Variants in NRG2 observed in about 807,000 individuals in gnomAD.
NRG2 encodes the protein pro-neuregulin-2, membrane-bound isoform.
In NRG2, 27 loss-of-function variants were observed where a neutral mutation model predicts 73.9. The observed-to-expected ratio is 0.37, with a 90% CI of 0.27 to 0.50. NRG2 has a LOEUF of 0.50. NRG2 is among the 20% of genes least tolerant of loss of function. The probability of loss-of-function intolerance (pLI) is 0.96; values close to 1 mark genes in which losing one functional copy is unlikely to be tolerated. For synonymous variants in NRG2, 532 were observed against 541.0 expected, an observed-to-expected ratio of 0.98 and a Z score of 0.23; for missense variants, 1,126 against 1,210.1, an observed-to-expected ratio of 0.93 and a Z score of 1.03.
intron 1 of NRG2, among the ~76,000 whole-genome samples, chr5:139,984,834 A>T (rs529810190): frequency 1.3e-5 from 2 of 152,324 alleles, no homozygotes; most frequent in South Asian, 4.2e-4. Flanking sequence ...CCTCAGTCCC[A>T]TTCTAACACC....
In NRG2 at chr5:139,856,097, G is replaced by A; in HGVS notation, c.1190-319C>T. On this transcript the variant is annotated intron_variant, in intron 5 of 9. Coordinates refer to ENST00000361474, the MANE Select transcript of NRG2 (RefSeq NM_004883.3). This position sits in a 1 kb window ranked among gnomAD's most constrained non-coding sequence, Gnocchi z 4.2. ...TGGGAAGGGATGGAGTGGAGGCAAA[G>A]CTCCCGAGGCTGTAGAGCAGGGGAG... 1 of 362,724 alleles carries A rather than the reference G, an allele frequency of 2.8e-6. No individual in the cohort carries two copies. Among genetic ancestry groups the A allele is most frequent in the Non-Finnish European group, 5.2e-6 (1 of 191,958 alleles). 22.5% of individuals were successfully genotyped at this position (362,724 alleles called of 1,614,324 possible). A position where few individuals can be genotyped will look rare whatever the true frequency, so the allele number is the denominator to read the frequency against.
intron 5 of NRG2, among the ~76,000 whole-genome samples, chr5:139,863,448 G>A (rs1171894420): frequency 3.9e-5 from 6 of 152,372 alleles, no homozygotes; most frequent in Middle Eastern, 6.8e-3. Flanking sequence ...CTGGGCTCCC[G>A]GGGCCCTGCT....
intron 1 of NRG2, among the ~76,000 whole-genome samples, chr5:140,005,963 A>C (rs1758866092): frequency 6.6e-6 from 1 of 152,208 alleles, no homozygotes; most frequent in Non-Finnish European, 1.5e-5. Flanking sequence ...CCTACTCTAG[A>C]AAACTAGATA....
chr5:139,997,844 T>C (rs1758136311), intron 1 of NRG2, among the ~76,000 whole-genome samples: 1 of 152,202 alleles, frequency 6.6e-6, no homozygotes, highest in Non-Finnish European at 1.5e-5. Flanking sequence ...GGTTCCCCTC[T>C]CCATGGAGCC....
chr5:139,917,101 C>G (rs1314495417), intron 1 of NRG2, among the ~76,000 whole-genome samples: 1 of 151,770 alleles, frequency 6.6e-6, no homozygotes, highest in African/African-American at 2.4e-5. Flanking sequence ...CTTTTTGATT[C>G]TAGCTATCCC....
intron 1 of NRG2, among the ~76,000 whole-genome samples, chr5:139,950,167 C>T (rs1426500845): frequency 2.0e-5 from 3 of 152,190 alleles, no homozygotes; most frequent in African/African-American, 7.2e-5. Context: ...ATTTCTTCTT[C>T]GTTCCTCAGA....
intron 1 of NRG2, among the ~76,000 whole-genome samples, chr5:139,987,987 G>T (rs1357697984): frequency 6.6e-6 from 1 of 152,158 alleles, no homozygotes; most frequent in Admixed American, 6.5e-5. Context: ...TGTTAGACAG[G>T]ATGGTCTTGA....
intron 1 of NRG2, among the ~76,000 whole-genome samples, chr5:139,937,763 A>G (rs1348518439): frequency 2.0e-5 from 3 of 152,230 alleles, no homozygotes; most frequent in African/African-American, 7.2e-5. Context: ...AATACAAAAA[A>G]TCTAGAGAAA....
In NRG2 at chr5:139,887,661, GTTCAA is replaced by G. The variant is rs781292803; in HGVS notation, c.701-155_701-151del. The G allele has an allele frequency of 9.3e-6, 6 of 645,142 alleles. No individual in the cohort carries two copies. Among genetic ancestry groups the G allele is most frequent in the South Asian group, 1.9e-5 (1 of 52,004 alleles). 40.0% of individuals were successfully genotyped at this position (645,142 alleles called of 1,614,324 possible). On this transcript the variant is annotated intron_variant, in intron 1 of 9. Transcript: ENST00000361474. This position sits in a 1 kb window ranked among gnomAD's most constrained non-coding sequence, Gnocchi z 4.5. ...CCACCCCTCCTAGTGTCATTTCCTA[GTTCAA>G]TTCAATAAGCATTTATAATGAGTCT...
chr5:139,929,331 C>G (rs1038220386), intron 1 of NRG2, among the ~76,000 whole-genome samples: 1 of 152,188 alleles, frequency 6.6e-6, no homozygotes, highest in African/African-American at 2.4e-5. Context: ...TATGATGTTG[C>G]TTCCCTCCAA....
intron 5 of NRG2, 91 bp from the exon 6 acceptor site, chr5:139,855,869 G>C: frequency 1.0e-6 from 1 of 972,826 alleles, no homozygotes; most frequent in Non-Finnish European, 1.6e-6. Flanking sequence ...CAAAGCCATA[G>C]GCTCTCCCCA....
intron 1 of NRG2, among the ~76,000 whole-genome samples, chr5:139,922,750 A>G (rs1237403297): frequency 3.3e-5 from 5 of 152,210 alleles, no homozygotes; most frequent in Non-Finnish European, 7.3e-5. Context: ...ACAACCTGAC[A>G]ATGGAATATT....
At chr5:139,951,183 G>C (rs1182443802) in intron 1 of NRG2, among the ~76,000 whole-genome samples, 1 of 152,206 alleles carries the variant, frequency 6.6e-6, no homozygotes, top group Non-Finnish European at 1.5e-5. Context: ...ACATTTGCTG[G>C]ATATGTGACC....
intron 1 of NRG2, among the ~76,000 whole-genome samples, chr5:139,978,143 C>G (rs905536990): frequency 6.6e-6 from 1 of 152,176 alleles, no homozygotes; most frequent in Non-Finnish European, 1.5e-5. Context: ...AAACTACCAT[C>G]AGAGGGAACA....
At chr5:139,896,343 C>A (rs1764539791) in intron 1 of NRG2, among the ~76,000 whole-genome samples, 1 of 152,094 alleles carries the variant, frequency 6.6e-6, no homozygotes, top group African/African-American at 2.4e-5. Flanking sequence ...TCTTAGCAGG[C>A]CTGATGCAGA....
chr5:139,972,754 C>A (rs1756068762), intron 1 of NRG2, among the ~76,000 whole-genome samples: 1 of 151,900 alleles, frequency 6.6e-6, no homozygotes, highest in Non-Finnish European at 1.5e-5. Context: ...CTACTAAAGG[C>A]AAACAATAAG....
At chr5:139,901,567 A>C (rs1764893114) in intron 1 of NRG2, among the ~76,000 whole-genome samples, 1 of 152,232 alleles carries the variant, frequency 6.6e-6, no homozygotes, top group South Asian at 2.1e-4. Context: ...CATCTTTATC[A>C]GAGGCAGGAG....
At chr5:140,009,183 A>T (rs915648157) in intron 1 of NRG2, among the ~76,000 whole-genome samples, 2 of 152,222 alleles carry the variant, frequency 1.3e-5, no homozygotes, top group African/African-American at 4.8e-5. Context: ...AAAGCCCCAC[A>T]GAAGAAATCA....
intron 1 of NRG2, among the ~76,000 whole-genome samples, chr5:139,919,089 C>G (rs912357709): frequency 6.6e-6 from 1 of 152,160 alleles, no homozygotes; most frequent in African/African-American, 2.4e-5. Flanking sequence ...TGATTACCCT[C>G]CCAAAGGTAG....
Sources: allele counts gnomAD v4.1 joint callset (sites outside exome capture counted in the v4.1 genomes callset), GRCh38; gene constraint gnomAD v4.1.1; non-coding constraint Gnocchi (gnomAD v3.1); transcripts MANE v1.5; gene names NCBI Gene and HGNC (gene_info 2026-07-23, HGNC 2026-07-21).